SLC9A6: variants seen among roughly 807,000 people sequenced by gnomAD.
SLC9A6 encodes solute carrier family 9 member A6.
In SLC9A6, 6 loss-of-function variants were observed where a neutral mutation model predicts 45.3. The observed-to-expected ratio is 0.13, with a 90% confidence interval of 0.07 to 0.26. The LOEUF (loss-of-function observed/expected upper bound fraction) is 0.26. Among genes scored for constraint, SLC9A6 ranks in the 10% least tolerant of loss-of-function variants. SLC9A6 has a pLI of 1.00. For synonymous variants in SLC9A6, 191 were observed against 187.7 expected (o/e 1.02, Z -0.14); for missense variants, 278 against 503.7 (o/e 0.55, Z 4.29).
intron 8 of SLC9A6, among the ~76,000 whole-genome samples, chrX:136,011,840 T>C (rs1242050145): frequency 5.4e-5 from 6 of 111,166 alleles, no homozygotes; most frequent in Admixed American, 9.5e-5. Context: ...CCTGTAATCC[T>C]AGCACTTTGG....
chrX:136,036,303 ATT>A (rs1195524035), intron 16 of SLC9A6, among the ~76,000 whole-genome samples: 1 of 111,318 alleles, frequency 9.0e-6, no homozygotes, highest in Admixed American at 9.6e-5. Context: ...TTTTTTGACC[ATT>A]TAGATATCCT....
In SLC9A6 at chrX:136,046,575, A is replaced by G. The variant is rs1416930514; in HGVS notation, c.*1851A>G. 1 of 112,611 alleles carries G rather than the reference A, an allele frequency of 8.9e-6. No homozygotes were observed. The highest frequency in any genetic ancestry group is 9.4e-5 in the Admixed American group (1 of 10,611). The allele number at this position is 112,611 out of a possible 1,213,427, so 9.3% of individuals were successfully genotyped here. ...CCTTTTTTATTCTGTCGGGTTACTG[A>G]CCTCACTTTATGTAAATACTTCGCA... On this transcript the variant is annotated 3_prime_UTR_variant, in exon 18 of 18. Coordinates refer to ENST00000630721, the MANE Select transcript of SLC9A6 (RefSeq NM_001379110.1).
At chrX:136,019,705 A>G (rs1006645654) in intron 11 of SLC9A6, among the ~76,000 whole-genome samples, 2 of 112,631 alleles carry the variant, frequency 1.8e-5, no homozygotes, top group African/African-American at 6.5e-5. Context: ...TTCCCCTATT[A>G]TTAACATATT....
intron 7 of SLC9A6, 48 bp downstream of exon 7, chrX:136,002,261 A>T (rs1556617464): frequency 5.8e-6 from 5 of 866,888 alleles, no homozygotes; most frequent in Non-Finnish European, 8.6e-6. Flanking sequence ...GTGTGAGGGT[A>T]CTAGGAACTG....
In SLC9A6 at chrX:135,994,849, C is replaced by A. The variant is rs782644535; in HGVS notation, c.233C>A (p.Thr78Asn). 10 of 1,210,999 alleles carry A rather than the reference C, an allele frequency of 8.3e-6. No homozygotes were observed. The East Asian group carries it at 3.0e-4, about 36-fold the overall frequency. Residue 78 changes from threonine (T) to asparagine (N), a missense_variant, in exon 3 of 18, where the codon ACC becomes AAC. Coordinates refer to ENST00000630721, the MANE Select transcript of SLC9A6 (RefSeq NM_001379110.1). ...GTTCCGAGTGATGTAAATAATGTGA[C>A]CCTGAGCTGTGAAGTGCAGTCAAGT... is the stretch of plus-strand genomic sequence containing the variant. Reference protein sequence around the residue: ...IHVPSDVNNVTLSCEVQSSPT... With the variant: ...IHVPSDVNNVNLSCEVQSSPT...
At chrX:135,993,041 C>T (rs781889525) in intron 2 of SLC9A6, among the ~76,000 whole-genome samples, 4 of 111,969 alleles carry the variant, frequency 3.6e-5, no homozygotes, top group African/African-American at 6.5e-5. Context: ...AGGAAAGTTC[C>T]AGAAGTTTGG....
chrX:135,982,482 T>G (rs1187152475), upstream of SLC9A6, among the ~76,000 whole-genome samples: 1 of 107,494 alleles, frequency 9.3e-6, no homozygotes, highest in Non-Finnish European at 1.9e-5. Context: ...GTTTGGTCAA[T>G]TCGCTTTTTT....
chrX:135,999,734 C>T (rs782670754), intron 6 of SLC9A6, among the ~76,000 whole-genome samples: 1 of 111,880 alleles, frequency 8.9e-6, no homozygotes, highest in Non-Finnish European at 1.9e-5. Context: ...GGAACATAGA[C>T]TGATGTTTTT....
At chrX:135,980,514 C>T (rs2089281886), upstream of SLC9A6, among the ~76,000 whole-genome samples, 1 of 111,279 alleles carries the variant, frequency 9.0e-6, no homozygotes, top group Non-Finnish European at 1.9e-5. Flanking sequence ...ATGTTATCTG[C>T]AGATATGAAG....
rs781894466 is a variant in SLC9A6, at chrX:136,026,773, T to C, written c.1461-2113T>C. On this transcript the variant is annotated intron_variant, in intron 13 of 17. Transcript: ENST00000630721. The stretch of plus-strand genomic sequence containing the variant: ...CTGGTCTCAAACTCCTGGCCTCAAG[T>C]GATTCGCCCGCCTCAGCCTCCCAAA... 1.2e-3 allele frequency among the ~76,000 whole-genome samples: 130 copies of C among 111,929 alleles called. 1 individual carries two copies. The highest frequency in any genetic ancestry group is 4.2e-3 in the African/African-American group (128 of 30,815).
Position 135,993,469 on chromosome X carries a change from C to T in SLC9A6, c.170-1317C>T, listed in dbSNP as rs782315921. Among the ~76,000 whole-genome samples the T allele has an allele frequency of 9.5e-4, 107 of 112,126 alleles. 1 individual carries two copies. The highest frequency in any genetic ancestry group is 3.4e-3 in the African/African-American group (105 of 30,867). On this transcript the variant is annotated intron_variant, in intron 2 of 17. Transcript: ENST00000630721. The stretch of plus-strand genomic sequence containing the variant: ...GAATTAGATATCAGTAAAGCCATTA[C>T]TAAACAATTATAGTCGATCAATATA...
chrX:135,992,082 T>A (rs1300567080), intron 2 of SLC9A6, among the ~76,000 whole-genome samples: 1 of 111,808 alleles, frequency 8.9e-6, no homozygotes, highest in Non-Finnish European at 1.9e-5. Context: ...CAACTCAACG[T>A]GTCCAAAACT....
intron 1 of SLC9A6, among the ~76,000 whole-genome samples, chrX:135,978,047 G>A (rs1351179002): frequency 8.9e-6 from 1 of 112,354 alleles, no homozygotes; most frequent in Non-Finnish European, 1.9e-5. Flanking sequence ...ACCTGCCTAG[G>A]TTGTTATCAG....
At chrX:135,996,756 T>G (rs1400175228) in intron 3 of SLC9A6, among the ~76,000 whole-genome samples, 7 of 108,994 alleles carry the variant, frequency 6.4e-5, no homozygotes, top group Non-Finnish European at 9.6e-5. Context: ...GTTGTTTTTG[T>G]TTTTTTTTGT....
rs2089326886 is a variant in SLC9A6, at chrX:135,985,831, A to G, written c.169+4A>G. 1.7e-6 allele frequency: 2 copies of G among 1,208,714 alleles called. No homozygotes were observed. Among genetic ancestry groups the G allele is most frequent in the African/African-American group, 3.5e-5 (2 of 57,022 alleles). Reference sequence around the variant, plus strand: ...ACCGGCCTGGCTATGATTTATGGCAAGTTCCTCAACCCTTGTCAGCCCCTT... The same window carrying G: ...ACCGGCCTGGCTATGATTTATGGCAGGTTCCTCAACCCTTGTCAGCCCCTT... On this transcript the variant is annotated splice_donor_region_variant and intron_variant, in intron 2 of 17. Coordinates refer to ENST00000630721, the MANE Select transcript of SLC9A6 (RefSeq NM_001379110.1).
intron 11 of SLC9A6, among the ~76,000 whole-genome samples, chrX:136,021,030 G>C (rs182765546): frequency 0.012 from 1,317 of 110,358 alleles, 7 homozygotes; most frequent in Admixed American, 0.028. Flanking sequence ...GGTGTGCTCA[G>C]TGTTACTTGG....
chrX:136,039,082 G>A (rs1487826992), intron 16 of SLC9A6, among the ~76,000 whole-genome samples: 2 of 110,574 alleles, frequency 1.8e-5, no homozygotes, highest in African/African-American at 6.6e-5. Context: ...AATGAGGAGG[G>A]AGGGCATGGA....
chrX:136,001,336 CAAAAAA>C (rs569372174), intron 6 of SLC9A6, among the ~76,000 whole-genome samples: 3 of 23,612 alleles, frequency 1.3e-4, no homozygotes, highest in Non-Finnish European at 2.5e-4. Flanking sequence ...GACTCCATCT[CAAAAAA>C]AAAAAAAAAA....
At position 136,044,966 on chromosome X, in the gene SLC9A6, ATGT is replaced by A. The variant is rs1340356800; in HGVS notation, c.*246_*248del. The A allele has an allele frequency of 6.1e-5, 23 of 376,872 alleles. No homozygotes were observed. Among genetic ancestry groups the A allele is most frequent in the Admixed American group, 9.0e-5 (2 of 22,163 alleles). 31.1% of individuals were successfully genotyped at this position (376,872 alleles called of 1,213,427 possible). A position where few individuals can be genotyped will look rare whatever the true frequency, so the allele number is the denominator to read the frequency against. On this transcript the variant is annotated 3_prime_UTR_variant, in exon 18 of 18. Transcript: ENST00000630721. The stretch of plus-strand genomic sequence containing the variant: ...GTTTTAGGAAGTTACTTTCACAGTG[ATGT>A]TGTGTGTTCTGTTAGTTTTATGTCT...
Sources: gnomAD v4.1 joint callset for allele counts (sites outside exome capture counted in the v4.1 genomes callset) on GRCh38, gnomAD v4.1.1 for gene constraint, MANE v1.5 for transcripts, NCBI Gene and HGNC (gene_info 2026-07-23, HGNC 2026-07-21) for gene names.